COBLL1: variants seen among roughly 807,000 people sequenced by gnomAD.
COBLL1 encodes cordon-bleu WH2 repeat protein like 1.
In COBLL1, 50 loss-of-function variants were observed where a neutral mutation model predicts 94.8. The observed-to-expected ratio is 0.53, with a 90% CI of 0.42 to 0.67. The LOEUF (loss-of-function observed/expected upper bound fraction) is 0.67. COBLL1 is among the 30% of genes least tolerant of loss of function. The pLI, the probability that COBLL1 is intolerant of heterozygous loss-of-function variation, is 0.00. For missense variants in COBLL1, 1,362 were observed against 1,348.7 expected, an observed-to-expected ratio of 1.01 and a Z score of -0.15; for synonymous variants, 448 against 473.8, an observed-to-expected ratio of 0.95 and a Z score of 0.71.
chr2:164,692,260 A>G lies in COBLL1; in HGVS notation c.3261T>C (p.Thr1087=). The G allele has an allele frequency of 6.2e-7, 1 of 1,612,700 alleles. No individual in the cohort carries two copies. Among genetic ancestry groups the G allele is most frequent in the Non-Finnish European group, 8.5e-7 (1 of 1,179,336 alleles). ...DPEQMRQSLL[T]AIRSGEAAAK... ...CAGCAGCCTCTCCCGAACGGATTGC[A>G]GTCAGCAAACTCTGTCGCATCTGTT... Residue 1087 remains threonine, a synonymous_variant, in exon 13 of 14, where the codon ACT becomes ACC. Coordinates refer to ENST00000652658, the MANE Select transcript of COBLL1 (RefSeq NM_001365672.2).
chr2:164,833,086 C>G (rs1003737093), intron 2 of COBLL1, among the ~76,000 whole-genome samples: 1 of 151,132 alleles, frequency 6.6e-6, no homozygotes, highest in Non-Finnish European at 1.5e-5. Flanking sequence ...AAACCCGGCA[C>G]GGTGGCTCAT....
At chr2:164,753,739 A>ATTTT (rs71393637) in intron 2 of COBLL1, among the ~76,000 whole-genome samples, 8 of 138,616 alleles carry the variant, frequency 5.8e-5, no homozygotes, top group African/African-American at 2.1e-4. Context: ...GAGTATGGGA[A>ATTTT]TTTTTTTTTT....
At chr2:164,761,456 C>CA (rs60352455) in intron 2 of COBLL1, 16,332 of 128,198 alleles carry the variant, frequency 0.13, 1,214 homozygotes, top group Admixed American at 0.19. Context: ...AACTCCATCT[C>CA]AAAAAAAAAA....
At chr2:164,801,722 A>C (rs1683817081) in intron 2 of COBLL1, among the ~76,000 whole-genome samples, 1 of 152,198 alleles carries the variant, frequency 6.6e-6, no homozygotes, top group African/African-American at 2.4e-5. Context: ...ATTGATATCC[A>C]GGCTGCCACA....
At position 164,702,573 on chromosome 2, in the gene COBLL1, A is replaced by T. The variant is rs543948457; in HGVS notation, c.1226-1817T>A. On this transcript the variant is annotated intron_variant, in intron 9 of 13. Transcript: ENST00000652658. Reference sequence around the variant, plus strand: ...TGAGACTCCTCAAAAAAAAAAAAAAAAAAATAATAATAATAATAATTTGAA... The same window carrying T: ...TGAGACTCCTCAAAAAAAAAAAAAATAAAATAATAATAATAATAATTTGAA... Among the ~76,000 whole-genome samples, 164 of 147,704 alleles carry T rather than the reference A, an allele frequency of 1.1e-3. 2 individuals are homozygous for T. The highest frequency in any genetic ancestry group is 5.7e-3 in the South Asian group (27 of 4,766).
At chr2:164,798,302 C>T (rs1408002246) in intron 2 of COBLL1, among the ~76,000 whole-genome samples, 1 of 152,168 alleles carries the variant, frequency 6.6e-6, no homozygotes, top group Admixed American at 6.5e-5. Flanking sequence ...TCCTCATACA[C>T]ACATTAATTT....
At chr2:164,721,296 A>T (rs1344188748) in intron 7 of COBLL1, among the ~76,000 whole-genome samples, 2 of 152,168 alleles carry the variant, frequency 1.3e-5, no homozygotes, top group African/African-American at 4.8e-5. Flanking sequence ...ATTCTTTCTG[A>T]TTACCAGCAA....
rs149701203 is a variant in COBLL1 at position 164,722,206 on chromosome 2, C to T, written c.865G>A (p.Ala289Thr). The change falls in exon 7 of 14, where the codon GCA becomes ACA. Residue 289 changes from alanine (A) to threonine (T), a missense_variant. Coordinates refer to ENST00000652658, the MANE Select transcript of COBLL1 (RefSeq NM_001365672.2). Reference protein sequence around the residue: ...PYISNTLPSDAPKKRRAPLPP... With the variant: ...PYISNTLPSDTPKKRRAPLPP... Reference sequence around the variant, plus strand: ...AGTGGAGCCCGCCTCTTCTTGGGTGCATCCGACGGCAGGGTGTTGGAAATA... The same window carrying T: ...AGTGGAGCCCGCCTCTTCTTGGGTGTATCCGACGGCAGGGTGTTGGAAATA... The T allele has an allele frequency of 5.6e-6, 9 of 1,614,058 alleles. No homozygotes were observed. In the African/African-American group the frequency reaches 8.0e-5, roughly 14 times the overall value.
intron 2 of COBLL1, among the ~76,000 whole-genome samples, chr2:164,665,277 C>T (rs1308263740): frequency 1.4e-5 from 2 of 147,282 alleles, no homozygotes; most frequent in Non-Finnish European, 3.0e-5. Flanking sequence ...TTGCAGTGAG[C>T]TGAAATCGCA....
chr2:164,836,329 A>G (rs1020801302), intron 2 of COBLL1, among the ~76,000 whole-genome samples: 1 of 152,190 alleles, frequency 6.6e-6, no homozygotes, highest in African/African-American at 2.4e-5. Flanking sequence ...ATCTCCTTTT[A>G]AATGCTAGAC....
rs1685488011 is a variant in COBLL1, at chr2:164,722,286, A to G, written c.785T>C (p.Leu262Pro). 6.2e-7 allele frequency: 1 copy of G among 1,614,016 alleles called. No homozygotes were observed. The highest frequency in any genetic ancestry group is 1.7e-5 in the Admixed American group (1 of 60,010). ...DQTASAPATP[L>P]VNKHRPTFTR... ...AAAAGTTGGGCGGTGCTTATTTACTAGAGGGGTTGCAGGGGCACTTGCAGT... is the reference window on the plus strand; with the variant it reads ...AAAAGTTGGGCGGTGCTTATTTACTGGAGGGGTTGCAGGGGCACTTGCAGT... Residue 262 changes from leucine (L) to proline (P), a missense_variant, in exon 7 of 14, where the codon CTA becomes CCA. Coordinates refer to ENST00000652658, the MANE Select transcript of COBLL1 (RefSeq NM_001365672.2).
rs1683623131 is a variant in COBLL1, at chr2:164,841,557, G to A, written c.-51+153C>T. 3 of 718,980 alleles carry A rather than the reference G, an allele frequency of 4.2e-6. No individual in the cohort carries two copies. Among genetic ancestry groups the A allele is most frequent in the Non-Finnish European group, 5.4e-6 (3 of 554,176 alleles). 44.5% of individuals were successfully genotyped at this position (718,980 alleles called of 1,614,324 possible). Reference sequence around the variant, plus strand: ...GCCGCCGGGGCTGGAAAAGGAGGAGGAGCGGGGCCGGGCGCACGGGCACCG... The same window carrying A: ...GCCGCCGGGGCTGGAAAAGGAGGAGAAGCGGGGCCGGGCGCACGGGCACCG... On this transcript the variant is annotated intron_variant, in intron 1 of 13. Coordinates refer to ENST00000652658, the MANE Select transcript of COBLL1 (RefSeq NM_001365672.2). The surrounding 1 kb of genome is among the most constrained non-coding windows in gnomAD (Gnocchi z 5.5).
intron 7 of COBLL1, chr2:164,718,270 A>C (rs959306306): frequency 1.0e-6 from 1 of 984,176 alleles, no homozygotes; most frequent in African/African-American, 1.7e-5. Context: ...AAAAAGGTAA[A>C]ATTTAACAAT....
chr2:164,785,057 G>C (rs533661764), intron 2 of COBLL1, among the ~76,000 whole-genome samples: 2 of 152,158 alleles, frequency 1.3e-5, no homozygotes, highest in African/African-American at 4.8e-5. Context: ...TCTGCCATGT[G>C]AGGATGAAGC....
chr2:164,784,227 G>C (rs1688840463), intron 2 of COBLL1, among the ~76,000 whole-genome samples: 1 of 152,008 alleles, frequency 6.6e-6, no homozygotes, highest in Non-Finnish European at 1.5e-5. Flanking sequence ...TGTTTTATAT[G>C]TTTTATATTT....
intron 2 of COBLL1, among the ~76,000 whole-genome samples, chr2:164,815,994 T>C (rs1463018860): frequency 1.3e-5 from 2 of 152,122 alleles, no homozygotes; most frequent in South Asian, 2.1e-4. Flanking sequence ...CAAGTGCTAA[T>C]GTAGATAAAA....
At chr2:164,732,997 G>A (rs1329056296) in intron 3 of COBLL1, among the ~76,000 whole-genome samples, 1 of 152,204 alleles carries the variant, frequency 6.6e-6, no homozygotes, top group East Asian at 1.9e-4. Context: ...GGAGCTTGCA[G>A]TGAGCCGAGA....
In COBLL1 at chr2:164,681,079, G is replaced by A. The variant is rs1489581484; in HGVS notation, c.*4867C>T. 1 of 152,174 alleles carries A rather than the reference G, an allele frequency of 6.6e-6. No individual in the cohort carries two copies. The highest frequency in any genetic ancestry group is 1.5e-5 in the Non-Finnish European group (1 of 68,036). The allele number at this position is 152,174 out of a possible 1,614,324, so 9.4% of individuals were successfully genotyped here. On this transcript the variant is annotated 3_prime_UTR_variant, in exon 14 of 14. Coordinates refer to ENST00000652658, the MANE Select transcript of COBLL1 (RefSeq NM_001365672.2). Reference sequence around the variant, plus strand: ...GAGATTCTGGAGGAAACAGCGTTGTGGAACTGAACAGACTGAATCAATTTA... The same window carrying A: ...GAGATTCTGGAGGAAACAGCGTTGTAGAACTGAACAGACTGAATCAATTTA...
intron 13 of COBLL1, among the ~76,000 whole-genome samples, chr2:164,686,963 T>A (rs183606255): frequency 1.3e-5 from 2 of 152,354 alleles, no homozygotes; most frequent in Non-Finnish European, 2.9e-5. Flanking sequence ...CAAATTTAGT[T>A]TGGACTTGGC....
Sources: allele counts gnomAD v4.1 joint callset (sites outside exome capture counted in the v4.1 genomes callset), GRCh38; gene constraint gnomAD v4.1.1; non-coding constraint Gnocchi (gnomAD v3.1); transcripts MANE v1.5; gene names NCBI Gene and HGNC (gene_info 2026-07-23, HGNC 2026-07-21).